The following CUX1 variants were observed in gnomAD, a reference collection of about 807,000 sequenced individuals.
The protein encoded by CUX1 is cut like homeobox 1.
Under a neutral mutation model 158.8 loss-of-function variants are expected in CUX1, and 31 were observed. The ratio of observed to expected loss-of-function variants is 0.20; its 90% CI spans 0.15 to 0.26. CUX1 has a LOEUF of 0.26. Among genes scored for constraint, CUX1 ranks in the 10% least tolerant of loss-of-function variants. CUX1 has a pLI of 1.00. For synonymous variants in CUX1, 879 were observed against 862.1 expected (o/e 1.02, Z -0.34); for missense variants, 1,589 against 2,014.6 (o/e 0.79, Z 4.04).
intron 10 of CUX1, among the ~76,000 whole-genome samples, chr7:102,175,050 C>T (rs1348405051): frequency 2.0e-5 from 3 of 152,320 alleles, no homozygotes; most frequent in East Asian, 3.9e-4. Context: ...TCATTTAGTT[C>T]GTGCGAGACA....
chr7:101,954,342 C>T (rs1010662749), intron 2 of CUX1, among the ~76,000 whole-genome samples: 1 of 152,062 alleles, frequency 6.6e-6, no homozygotes, highest in Non-Finnish European at 1.5e-5. Context: ...AGAGTGAGAC[C>T]CTGTCTCAAC....
At chr7:102,145,650 A>G (rs993782292) in intron 8 of CUX1, among the ~76,000 whole-genome samples, 2 of 152,108 alleles carry the variant, frequency 1.3e-5, no homozygotes, top group Non-Finnish European at 1.5e-5. Flanking sequence ...TCAAACAACT[A>G]AAAGACAATG....
At chr7:102,188,055 C>T (rs1051752140) in intron 11 of CUX1, among the ~76,000 whole-genome samples, 16 of 151,702 alleles carry the variant, frequency 1.1e-4, no homozygotes, top group African/African-American at 3.4e-4. Context: ...AAAAAATAAC[C>T]GGGTGTGGTG....
intron 2 of CUX1, among the ~76,000 whole-genome samples, chr7:101,983,959 G>A (rs575299364): frequency 6.0e-5 from 9 of 150,254 alleles, no homozygotes; most frequent in South Asian, 2.1e-4. Flanking sequence ...GCTTGAACCC[G>A]GGAGGCAGAG....
Position 102,256,024 on chromosome 7 carries a change from G to A in CUX1, c.*6982G>A, listed in dbSNP as rs546015215. The A allele has an allele frequency of 1.1e-4, 111 of 985,310 alleles. No homozygotes were observed. Among genetic ancestry groups the A allele is most frequent in the African/African-American group, 3.7e-4 (21 of 57,232 alleles). 61.0% of individuals were successfully genotyped at this position (985,310 alleles called of 1,614,324 possible). ...GAATGAGTTTGTTCACTGTAGTTCCGTTTGTTCATGAACCGAAGGGAAAAC... is the reference window on the plus strand; with the variant it reads ...GAATGAGTTTGTTCACTGTAGTTCCATTTGTTCATGAACCGAAGGGAAAAC... On this transcript the variant is annotated 3_prime_UTR_variant, in exon 24 of 24. Transcript: ENST00000292535.
rs782167992 is a variant in CUX1 at position 102,158,621 on chromosome 7, A to T, written c.723+13A>T. 1 of 1,613,912 alleles carries T rather than the reference A, an allele frequency of 6.2e-7. No homozygotes were observed. Among genetic ancestry groups the T allele is most frequent in the Non-Finnish European group, 8.5e-7 (1 of 1,179,832 alleles). On this transcript the variant is annotated intron_variant, in intron 9 of 23. Transcript: ENST00000292535. Reference sequence around the variant, plus strand: ...AAGGGCAAACCAGGTAGGACCCTGGACGCTTTTAGTCCTAAAACCCACAAT... The same window carrying T: ...AAGGGCAAACCAGGTAGGACCCTGGTCGCTTTTAGTCCTAAAACCCACAAT...
intron 1 of CUX1, among the ~76,000 whole-genome samples, chr7:101,836,884 G>A (rs1794696931): frequency 6.6e-6 from 1 of 152,080 alleles, no homozygotes; most frequent in African/African-American, 2.4e-5. Context: ...AGTAAAAATC[G>A]CAGAGGACAT....
intron 6 of CUX1, among the ~76,000 whole-genome samples, chr7:102,109,524 C>T (rs1830681623): frequency 6.6e-6 from 1 of 152,128 alleles, no homozygotes; most frequent in African/African-American, 2.4e-5. Flanking sequence ...TGGCTCATGC[C>T]TGCAATTTCA....
intron 1 of CUX1, among the ~76,000 whole-genome samples, chr7:101,899,342 A>C (rs552798235): frequency 4.9e-4 from 74 of 152,276 alleles, no homozygotes; most frequent in Middle Eastern, 3.4e-3. Context: ...TGAGGTCAGG[A>C]GTTCGAGACC....
At chr7:101,839,864 C>T (rs767744291) in intron 1 of CUX1, among the ~76,000 whole-genome samples, 9 of 152,138 alleles carry the variant, frequency 5.9e-5, no homozygotes, top group South Asian at 4.1e-4. Flanking sequence ...TGGGTTCAAG[C>T]GATTCTCCTG....
At chr7:102,225,160 T>C (rs1554528231) in intron 20 of CUX1, among the ~76,000 whole-genome samples, 2 of 152,196 alleles carry the variant, frequency 1.3e-5, no homozygotes, top group African/African-American at 4.8e-5. Context: ...TTCTGCCTCT[T>C]ACGCTTGTCT....
chr7:101,988,416 A>G (rs1435513366), intron 2 of CUX1, among the ~76,000 whole-genome samples: 2 of 151,854 alleles, frequency 1.3e-5, no homozygotes, highest in African/African-American at 4.8e-5. Flanking sequence ...TCTCCTGAAA[A>G]CACTTCATGG....
intron 1 of CUX1, among the ~76,000 whole-genome samples, chr7:101,827,110 G>A (rs1375752919): frequency 6.6e-6 from 1 of 152,028 alleles, no homozygotes; most frequent in Non-Finnish European, 1.5e-5. Context: ...TCTTTGCAAA[G>A]TAACATAAGT....
At position 102,248,247 on chromosome 7, in the gene CUX1, T is replaced by C. The variant is rs1157425884; in HGVS notation, c.3888-165T>C. Among the ~76,000 whole-genome samples the C allele has an allele frequency of 6.6e-6, 1 of 152,086 alleles. No homozygotes were observed. Among genetic ancestry groups the C allele is most frequent in the Non-Finnish European group, 1.5e-5 (1 of 67,994 alleles). On this transcript the variant is annotated intron_variant, in intron 23 of 23. Coordinates refer to ENST00000292535, the MANE Select transcript of CUX1 (RefSeq NM_181552.4). This position sits in a 1 kb window ranked among gnomAD's most constrained non-coding sequence, Gnocchi z 5.8. The stretch of plus-strand genomic sequence containing the variant: ...GGCCCGGAGGGGTGGGTGGTGACTC[T>C]GGAGAGGGGCTGCCCCGTGGCCCGA...
In CUX1 at chr7:102,018,497, A is replaced by G. The variant is rs74713135; in HGVS notation, c.142-9601A>G. ...AGACTAGGCAGGGAAGATCCAGCCCAGGGTACTGGAGCTGGCGCTTGCATG... is the reference window on the plus strand; with the variant it reads ...AGACTAGGCAGGGAAGATCCAGCCCGGGGTACTGGAGCTGGCGCTTGCATG... On this transcript the variant is annotated intron_variant, in intron 2 of 23. Coordinates refer to ENST00000292535, the MANE Select transcript of CUX1 (RefSeq NM_181552.4). Among the ~76,000 whole-genome samples the G allele has an allele frequency of 9.5e-3, 1,454 of 152,302 alleles. 20 individuals carry two copies. Among genetic ancestry groups the G allele is most frequent in the African/African-American group, 0.033 (1,361 of 41,580 alleles).
At chr7:101,901,624 A>T (rs1156543072) in intron 1 of CUX1, among the ~76,000 whole-genome samples, 1 of 152,162 alleles carries the variant, frequency 6.6e-6, no homozygotes, top group Non-Finnish European at 1.5e-5. Context: ...TGCAAGTTAT[A>T]AGCAGCCAGT....
intron 2 of CUX1, among the ~76,000 whole-genome samples, chr7:101,948,893 C>A (rs1045987891): frequency 6.6e-6 from 1 of 152,180 alleles, no homozygotes; most frequent in Non-Finnish European, 1.5e-5. Context: ...GGCCACTGTG[C>A]CCCTGCAAGT....
intron 10 of CUX1, among the ~76,000 whole-genome samples, chr7:102,171,666 T>G (rs1791733468): frequency 6.6e-6 from 1 of 152,124 alleles, no homozygotes; most frequent in Non-Finnish European, 1.5e-5. Context: ...CAGGCTGGTC[T>G]CAAACTCCTG....
At chr7:102,216,526 T>A (rs71540930) in intron 20 of CUX1, among the ~76,000 whole-genome samples, 38,646 of 82,062 alleles carry the variant, frequency 0.47, 8,373 homozygotes, top group East Asian at 0.86. Context: ...ACACACACAC[T>A]CTCCCCCCCA....
Sources: allele counts gnomAD v4.1 joint callset (sites outside exome capture counted in the v4.1 genomes callset), GRCh38; gene constraint gnomAD v4.1.1; non-coding constraint Gnocchi (gnomAD v3.1); transcripts MANE v1.5; gene names NCBI Gene and HGNC (gene_info 2026-07-23, HGNC 2026-07-21).